The following SYN2 variants were observed in gnomAD, a reference collection of about 807,000 sequenced individuals.
SYN2 encodes synapsin II, also known as synapsin-2.
SYN2 carries 19 observed loss-of-function variants against 50.9 expected under a neutral mutation model. The observed-to-expected ratio is 0.37, with a 90% CI of 0.26 to 0.55. SYN2 has a LOEUF of 0.55. Among genes scored for constraint, SYN2 ranks in the 20% least tolerant of loss-of-function variants. The pLI is 0.81. For synonymous variants in SYN2, 255 were observed against 224.9 expected (o/e 1.13, Z -1.20); for missense variants, 587 against 576.4 (o/e 1.02, Z -0.19).
chr3:12,063,930 T>G (rs1695161289), intron 1 of SYN2, among the ~76,000 whole-genome samples: 1 of 152,012 alleles, frequency 6.6e-6, no homozygotes, highest in Non-Finnish European at 1.5e-5. Context: ...TTCCCACCCC[T>G]TAAGTGTGAG....
At chr3:12,117,081 C>A (rs961483037) in intron 1 of SYN2, among the ~76,000 whole-genome samples, 3 of 152,146 alleles carry the variant, frequency 2.0e-5, no homozygotes, top group African/African-American at 7.2e-5. Flanking sequence ...GGAGTCTAAC[C>A]TCAGGAGGAA....
At chr3:12,046,506 T>G (rs1249612216) in intron 1 of SYN2, among the ~76,000 whole-genome samples, 1 of 152,188 alleles carries the variant, frequency 6.6e-6, no homozygotes, top group Non-Finnish European at 1.5e-5. Context: ...ATTCTCCTAC[T>G]GTAGAAATAG....
chr3:12,020,132 C>T (rs920847648), intron 1 of SYN2, among the ~76,000 whole-genome samples: 1 of 152,158 alleles, frequency 6.6e-6, no homozygotes, highest in African/African-American at 2.4e-5. Flanking sequence ...TGGTATATTT[C>T]AGACTGATTC....
intron 4 of SYN2, among the ~76,000 whole-genome samples, chr3:12,146,090 T>C (rs909451879): frequency 3.3e-5 from 5 of 152,226 alleles, no homozygotes; most frequent in Admixed American, 6.5e-5. Flanking sequence ...GCACCTTTGC[T>C]GCGGAGTGGA....
Position 12,167,555 on chromosome 3 carries a change from G to A in SYN2, c.1055+247G>A, listed in dbSNP as rs138780516. ...GAGGCCTCACCAGAAGCAGATGCTGGCACCATGCTTTTTGTACAGTCTGCA... is the reference window on the plus strand; with the variant it reads ...GAGGCCTCACCAGAAGCAGATGCTGACACCATGCTTTTTGTACAGTCTGCA... On this transcript the variant is annotated intron_variant, in intron 8 of 12. Transcript: ENST00000621198. 9.0e-3 allele frequency among the ~76,000 whole-genome samples: 1,373 copies of A among 152,224 alleles called. 19 individuals are homozygous for A. The highest frequency in any genetic ancestry group is 0.031 in the African/African-American group (1,277 of 41,530).
chr3:12,115,507 G>T (rs1487095129), intron 1 of SYN2, among the ~76,000 whole-genome samples: 1 of 152,138 alleles, frequency 6.6e-6, no homozygotes, highest in Non-Finnish European at 1.5e-5. Context: ...GTGAATTTTT[G>T]TGCCATATAT....
chr3:12,165,534 A>G (rs987379121), intron 7 of SYN2: 2 of 152,228 alleles, frequency 1.3e-5, no homozygotes, highest in African/African-American at 4.8e-5. Context: ...AACCAAGGAA[A>G]CATCGTGGGA....
At chr3:12,142,017 A>C in intron 3 of SYN2, 21 bp downstream of exon 3, 1 of 780,492 alleles carries the variant, frequency 1.3e-6, no homozygotes, top group Non-Finnish European at 2.4e-6. Flanking sequence ...TTCTGTCCTC[A>C]GGATCATTGT....
Position 12,030,658 on chromosome 3 carries a change from A to T in SYN2, c.377+25730A>T, listed in dbSNP as rs898501946. ...CCATTTCTTCTAGATTTTCTAGTTT[A>T]TTTGTGTAGAGGTGTTTGTAGTATT... On this transcript the variant is annotated intron_variant, in intron 1 of 12. Transcript: ENST00000621198. Among the ~76,000 whole-genome samples the T allele has an allele frequency of 6.5e-5, 8 of 123,702 alleles. No individual in the cohort carries two copies. The Admixed American group carries it at 6.9e-4, about 11-fold the overall frequency. 81.2% of individuals were successfully genotyped at this position (123,702 alleles called of 152,430 possible). A position where few individuals can be genotyped will look rare whatever the true frequency, so the allele number is the denominator to read the frequency against.
intron 1 of SYN2, among the ~76,000 whole-genome samples, chr3:12,134,997 G>A (rs1696864618): frequency 2.0e-5 from 3 of 152,152 alleles, no homozygotes; most frequent in South Asian, 2.1e-4. Flanking sequence ...GACAAACCAC[G>A]GCGTTTCTTT....
chr3:12,040,086 G>T (rs1465632777), intron 1 of SYN2, among the ~76,000 whole-genome samples: 1 of 152,126 alleles, frequency 6.6e-6, no homozygotes, highest in East Asian at 1.9e-4. Flanking sequence ...ATAAATTGGT[G>T]ATTTGGGAGA....
At chr3:12,153,821 C>G (rs1426607666) in intron 5 of SYN2, 37 of 1,170,166 alleles carry the variant, frequency 3.2e-5, no homozygotes, top group Non-Finnish European at 2.5e-6. Flanking sequence ...TGCCCCCTAT[C>G]TTATCAAGCC....
intron 1 of SYN2, among the ~76,000 whole-genome samples, chr3:12,052,036 A>G (rs972329370): frequency 6.6e-6 from 1 of 152,048 alleles, no homozygotes; most frequent in Non-Finnish European, 1.5e-5. Context: ...ACCTTTGACA[A>G]ATGTTTTGGT....
In SYN2 at chr3:12,160,588, A is replaced by G. The variant is rs141023646; in HGVS notation, c.775-958A>G. On this transcript the variant is annotated intron_variant, in intron 5 of 12. Transcript: ENST00000621198. ...TAGCATCCAGGCTGGTTCTTCATAC[A>G]ATGTTCAGACCAAGATAGAGGCTGA... Among the ~76,000 whole-genome samples the G allele has an allele frequency of 2.6e-5, 4 of 152,340 alleles. No homozygotes were observed. The East Asian group carries it at 7.7e-4, about 29-fold the overall frequency.
At chr3:12,125,637 C>T (rs1696652713) in intron 1 of SYN2, among the ~76,000 whole-genome samples, 1 of 151,954 alleles carries the variant, frequency 6.6e-6, no homozygotes, top group Non-Finnish European at 1.5e-5. Flanking sequence ...AGTCTGAAAA[C>T]CTTATCATAG....
chr3:12,026,697 G>A (rs1044113915), intron 1 of SYN2, among the ~76,000 whole-genome samples: 3 of 152,176 alleles, frequency 2.0e-5, no homozygotes, highest in Non-Finnish European at 4.4e-5. Context: ...GCAAGAATGA[G>A]GAATGCTAGG....
intron 10 of SYN2, among the ~76,000 whole-genome samples, chr3:12,180,136 A>G (rs1698189686): frequency 6.6e-6 from 1 of 151,994 alleles, no homozygotes; most frequent in African/African-American, 2.4e-5. Flanking sequence ...TTTTGTAGAG[A>G]CAGCGTTTCA....
intron 1 of SYN2, among the ~76,000 whole-genome samples, chr3:12,105,848 G>A (rs1204401167): frequency 6.6e-6 from 1 of 152,044 alleles, no homozygotes; most frequent in Non-Finnish European, 1.5e-5. Flanking sequence ...GACCCACCTT[G>A]CCACCTTAGT....
intron 1 of SYN2, among the ~76,000 whole-genome samples, chr3:12,069,244 CTTT>C (rs57716121): frequency 3.7e-4 from 48 of 128,214 alleles, no homozygotes; most frequent in Non-Finnish European, 4.2e-4. Flanking sequence ...ATTGTATGAC[CTTT>C]TTTTTTTTTT....
Sources: gnomAD v4.1 joint callset for allele counts (sites outside exome capture counted in the v4.1 genomes callset) on GRCh38, gnomAD v4.1.1 for gene constraint, MANE v1.5 for transcripts, NCBI Gene and HGNC (gene_info 2026-07-23, HGNC 2026-07-21) for gene names.